POFUT1: variants seen among roughly 807,000 people sequenced by gnomAD.
POFUT1 encodes GDP-fucose protein O-fucosyltransferase 1.
In POFUT1, 16 loss-of-function variants were observed where a neutral mutation model predicts 42.4. That is an observed-to-expected ratio of 0.38 (90% CI 0.26 to 0.57). The LOEUF (loss-of-function observed/expected upper bound fraction) is 0.57. Among genes scored for constraint, POFUT1 ranks in the 20% least tolerant of loss-of-function variants. The pLI is 0.71. For synonymous variants in POFUT1, 206 were observed against 205.4 expected, an observed-to-expected ratio of 1.00 and a Z score of -0.03; for missense variants, 470 against 504.6, an observed-to-expected ratio of 0.93 and a Z score of 0.66.
intron 2 of POFUT1, among the ~76,000 whole-genome samples, chr20:32,210,546 A>G (rs1169234300): frequency 2.0e-5 from 3 of 152,166 alleles, no homozygotes; most frequent in African/African-American, 7.2e-5. Flanking sequence ...TAAAGCCTCC[A>G]TTTCCTTCCC....
intron 4 of POFUT1, among the ~76,000 whole-genome samples, chr20:32,222,206 G>C (rs556521618): frequency 6.6e-6 from 1 of 152,324 alleles, no homozygotes; most frequent in East Asian, 1.9e-4. Flanking sequence ...AGGAGGCCAA[G>C]GCAGGAGAAT....
chr20:32,227,291 C>T (rs2047419436), intron 4 of POFUT1, among the ~76,000 whole-genome samples: 1 of 152,124 alleles, frequency 6.6e-6, no homozygotes, highest in South Asian at 2.1e-4. Context: ...CCTAAGTAGG[C>T]AGATCACTTG....
At chr20:32,221,882 T>C (rs560755028) in intron 4 of POFUT1, among the ~76,000 whole-genome samples, 1 of 152,228 alleles carries the variant, frequency 6.6e-6, no homozygotes, top group African/African-American at 2.4e-5. Context: ...TGTGTCAGAC[T>C]TAAGTTAGGC....
rs116193162 is a variant in POFUT1 at position 32,224,495 on chromosome 20, C to T, written c.543-3768C>T. ...ACTGGTCCGAGGCCTGTGTAAGTGA[C>T]ACAGGCCTTGGATAGCGTATGTGGG... On this transcript the variant is annotated intron_variant, in intron 4 of 6. Coordinates refer to ENST00000375749, the MANE Select transcript of POFUT1 (RefSeq NM_015352.2). 3.6e-3 allele frequency among the ~76,000 whole-genome samples: 553 copies of T among 152,224 alleles called. 3 individuals are homozygous for T. Among genetic ancestry groups the T allele is most frequent in the African/African-American group, 0.013 (520 of 41,544 alleles).
At chr20:32,223,218 G>A in intron 4 of POFUT1, 1 of 985,424 alleles carries the variant, frequency 1.0e-6, no homozygotes, top group Non-Finnish European at 1.2e-6. Context: ...AGAGGCAAAG[G>A]GCCTGACCAA....
chr20:32,216,504 G>A (rs1006155406), intron 3 of POFUT1, 105 bp from the exon 4 acceptor site: 3 of 707,224 alleles, frequency 4.2e-6, no homozygotes, highest in African/African-American at 3.5e-5. Flanking sequence ...GAGTGTTTTG[G>A]CCTGAGTCAC....
chr20:32,227,676 C>T (rs2047421667), intron 4 of POFUT1, among the ~76,000 whole-genome samples: 1 of 152,200 alleles, frequency 6.6e-6, no homozygotes, highest in Non-Finnish European at 1.5e-5. Context: ...GAAGCAGGGG[C>T]TTGGGAGGGC....
chr20:32,231,912 G>GTGC (rs1433930611), intron 6 of POFUT1, among the ~76,000 whole-genome samples: 1 of 152,234 alleles, frequency 6.6e-6, no homozygotes, highest in African/African-American at 2.4e-5. Flanking sequence ...TTCTTGGTCA[G>GTGC]TGCTTACTAT....
At chr20:32,216,162 T>C (rs887699076) in intron 3 of POFUT1, among the ~76,000 whole-genome samples, 1 of 152,236 alleles carries the variant, frequency 6.6e-6, no homozygotes, top group South Asian at 2.1e-4. Flanking sequence ...CTATGAAATT[T>C]GAGAAAGGAG....
At position 32,234,883 on chromosome 20, in the gene POFUT1, C is replaced by T. The variant is rs74585664; in HGVS notation, c.*222C>T. The T allele has an allele frequency of 4.5e-3, 2,073 of 458,616 alleles. 27 individuals are homozygous for T. Among genetic ancestry groups the T allele is most frequent in the South Asian group, 0.037 (914 of 24,602 alleles). The allele number at this position is 458,616 out of a possible 1,614,324, so 28.4% of individuals were successfully genotyped here. ...AGGAGCAGGAGCATCTCCCATCGCA[C>T]GTGCTTTCTGCTCTTCTGGGAATTT... On this transcript the variant is annotated 3_prime_UTR_variant, in exon 7 of 7. Transcript: ENST00000375749.
rs1447936481 is a variant in POFUT1 at position 32,216,812 on chromosome 20, A to G, written c.542+91A>G. On this transcript the variant is annotated intron_variant, in intron 4 of 6. Coordinates refer to ENST00000375749, the MANE Select transcript of POFUT1 (RefSeq NM_015352.2). Reference sequence around the variant, plus strand: ...CTTCTGGCACTCTCCCCATCTTCCCAACTCTGATGTATGAGACCAAAGGTG... The same window carrying G: ...CTTCTGGCACTCTCCCCATCTTCCCGACTCTGATGTATGAGACCAAAGGTG... 1.4e-5 allele frequency: 19 copies of G among 1,375,876 alleles called. No homozygotes were observed. The East Asian group carries it at 3.0e-4, about 22-fold the overall frequency. 85.2% of individuals were successfully genotyped at this position (1,375,876 alleles called of 1,614,324 possible). A position where few individuals can be genotyped will look rare whatever the true frequency, so the allele number is the denominator to read the frequency against.
At position 32,234,839 on chromosome 20, in the gene POFUT1, A is replaced by C; in HGVS notation, c.*178A>C. On this transcript the variant is annotated 3_prime_UTR_variant, in exon 7 of 7. Transcript: ENST00000375749. ...AGGGAGACGCTCCATATCCCAGGGC[A>C]TAGGACTTGCAGGTTCCTAGGAGCA... 2 of 562,928 alleles carry C rather than the reference A, an allele frequency of 3.6e-6. No homozygotes were observed. Among genetic ancestry groups the C allele is most frequent in the South Asian group, 5.0e-5 (2 of 40,374 alleles). The allele number at this position is 562,928 out of a possible 1,614,324, so 34.9% of individuals were successfully genotyped here. A position where few individuals can be genotyped will look rare whatever the true frequency, so the allele number is the denominator to read the frequency against.
chr20:32,228,324 C>A lies in POFUT1; in HGVS notation c.604C>A (p.Leu202Ile). 6.2e-7 allele frequency: 1 copy of A among 1,613,994 alleles called. No homozygotes were observed. Among genetic ancestry groups the A allele is most frequent in the East Asian group, 2.2e-5 (1 of 44,892 alleles). Residue 202 changes from leucine to isoleucine, a missense_variant, in exon 5 of 7, where the codon CTA (leucine) becomes ATA (isoleucine). Coordinates refer to ENST00000375749, the MANE Select transcript of POFUT1 (RefSeq NM_015352.2). ...LPGAPAQFPV[L>I]EEHRPLQKYM... ...AGGAGCCCCAGCCCAGTTCCCCGTC[C>A]TAGAGGAACACAGGCCACTACAGAA...
chr20:32,226,202 C>T (rs1047128861), intron 4 of POFUT1, among the ~76,000 whole-genome samples: 1 of 152,084 alleles, frequency 6.6e-6, no homozygotes, highest in Non-Finnish European at 1.5e-5. Context: ...AAATTATTTT[C>T]TGTATTTGCC....
chr20:32,219,086 G>A (rs1301248682), intron 4 of POFUT1, among the ~76,000 whole-genome samples: 1 of 152,234 alleles, frequency 6.6e-6, no homozygotes, highest in Non-Finnish European at 1.5e-5. Context: ...GGCTGGTTTG[G>A]ATGCTGGGGA....
rs574779313 is a variant in POFUT1, at chr20:32,222,590, C to T, written c.543-5673C>T. 2,362 of 985,320 alleles carry T rather than the reference C, an allele frequency of 2.4e-3. 3 individuals carry two copies. Among genetic ancestry groups the T allele is most frequent in the Admixed American group, 5.6e-3 (91 of 16,288 alleles). The allele number at this position is 985,320 out of a possible 1,614,324, so 61.0% of individuals were successfully genotyped here. A position where few individuals can be genotyped will look rare whatever the true frequency, so the allele number is the denominator to read the frequency against. On this transcript the variant is annotated intron_variant, in intron 4 of 6. Transcript: ENST00000375749. ...GTCTTTCTTTTTCTTTCCCCCACCT[C>T]GCCCGGGGTATGTTTGGCTGATAAG...
At chr20:32,210,507 G>C (rs867730966) in intron 2 of POFUT1, among the ~76,000 whole-genome samples, 2 of 152,198 alleles carry the variant, frequency 1.3e-5, no homozygotes, top group African/African-American at 4.8e-5. Context: ...AGCTATCTTT[G>C]TCTGACTCCA....
chr20:32,229,405 T>G (rs2047430908), intron 5 of POFUT1, among the ~76,000 whole-genome samples: 1 of 152,198 alleles, frequency 6.6e-6, no homozygotes, highest in African/African-American at 2.4e-5. Context: ...ATTTACTATA[T>G]TAACACCCAA....
chr20:32,224,809 ATAGG>A (rs751825376), intron 4 of POFUT1, among the ~76,000 whole-genome samples: 15 of 152,236 alleles, frequency 9.9e-5, no homozygotes, highest in South Asian at 2.1e-4. Context: ...CAAGAGGGAA[ATAGG>A]TAGGTAAATT....
Sources: allele counts gnomAD v4.1 joint callset (sites outside exome capture counted in the v4.1 genomes callset), GRCh38; gene constraint gnomAD v4.1.1; transcripts MANE v1.5; gene names NCBI Gene and HGNC (gene_info 2026-07-23, HGNC 2026-07-21).